KAT2B: variants seen among roughly 807,000 people sequenced by gnomAD.
The protein encoded by KAT2B is histone acetyltransferase KAT2B.
In KAT2B, 36 loss-of-function variants were observed where a neutral mutation model predicts 105.9. That is an observed-to-expected ratio of 0.34 (90% CI 0.26 to 0.45). KAT2B has a LOEUF of 0.45. Among genes scored for constraint, KAT2B ranks in the 20% least tolerant of loss-of-function variants. The probability of loss-of-function intolerance (pLI) is 1.00; values close to 1 mark genes in which losing one functional copy is unlikely to be tolerated. For synonymous variants in KAT2B, 397 were observed against 377.9 expected (o/e 1.05, Z -0.59); for missense variants, 820 against 1,021.6 (o/e 0.80, Z 2.69).
intron 7 of KAT2B, among the ~76,000 whole-genome samples, chr3:20,118,473 A>G (rs979905639): frequency 1.3e-5 from 2 of 149,376 alleles, no homozygotes; most frequent in East Asian, 2.0e-4. Flanking sequence ...TCCCAGCACT[A>G]TGGGAGGCTT....
chr3:20,140,126 T>C (rs1699671857), intron 12 of KAT2B, 95 bp from the exon 13 acceptor site: 2 of 797,102 alleles, frequency 2.5e-6, no homozygotes, highest in South Asian at 1.6e-5. Context: ...CAAAGAAGCT[T>C]GTCTTGATTC....
chr3:20,040,623 C>CG lies in KAT2B; in HGVS notation c.149dup (p.Ala51ArgfsTer57). On this transcript the variant is annotated frameshift_variant, in exon 1 of 18. Coordinates refer to ENST00000263754, the MANE Select transcript of KAT2B (RefSeq NM_003884.5). LOFTEE classifies it high-confidence loss of function. Reference sequence around the variant, plus strand: ...CCCTGCGCCGCTGCCGCCGGGGGCTCGGGCGCCTGCGGTCCGGCGACGGCA... The same window carrying CG: ...CCCTGCGCCGCTGCCGCCGGGGGCTCGGGGCGCCTGCGGTCCGGCGACGGCA... The CG allele has an allele frequency of 7.5e-7, 1 of 1,339,964 alleles. No individual in the cohort carries two copies. Among genetic ancestry groups the CG allele is most frequent in the Non-Finnish European group, 9.5e-7 (1 of 1,047,928 alleles). The allele number at this position is 1,339,964 out of a possible 1,614,324, so 83.0% of individuals were successfully genotyped here.
intron 2 of KAT2B, 117 bp from the exon 3 acceptor site, chr3:20,095,146 C>A: frequency 4.0e-6 from 3 of 755,708 alleles, no homozygotes; most frequent in Non-Finnish European, 6.4e-6. Flanking sequence ...TCTCTTATTA[C>A]CAGTGAACTT....
At chr3:20,084,416 GAA>G (rs1316104409) in intron 2 of KAT2B, among the ~76,000 whole-genome samples, 1 of 152,092 alleles carries the variant, frequency 6.6e-6, no homozygotes, top group Non-Finnish European at 1.5e-5. Flanking sequence ...CTTCTGCTAT[GAA>G]AGTTACTCAC....
chr3:20,101,485 T>C lies in KAT2B; in HGVS notation c.851+17T>C, dbSNP rs1378970884. The C allele has an allele frequency of 6.2e-7, 1 of 1,610,520 alleles. No individual in the cohort carries two copies. Among genetic ancestry groups the C allele is most frequent in the Non-Finnish European group, 8.5e-7 (1 of 1,177,216 alleles). Reference sequence around the variant, plus strand: ...CTACACAAGGTAATCAGATGCAAGTTCTTTTCCTTTGGCCCCATAAAGCCT... The same window carrying C: ...CTACACAAGGTAATCAGATGCAAGTCCTTTTCCTTTGGCCCCATAAAGCCT... On this transcript the variant is annotated intron_variant, in intron 5 of 17. Coordinates refer to ENST00000263754, the MANE Select transcript of KAT2B (RefSeq NM_003884.5).
intron 5 of KAT2B, among the ~76,000 whole-genome samples, chr3:20,103,367 T>C (rs1214192120): frequency 6.6e-6 from 1 of 152,190 alleles, no homozygotes. Flanking sequence ...GGAGAATTAA[T>C]TGTGAAGCAG....
At chr3:20,066,255 TCTC>T (rs776274872) in intron 1 of KAT2B, among the ~76,000 whole-genome samples, 5 of 152,084 alleles carry the variant, frequency 3.3e-5, no homozygotes, top group African/African-American at 7.2e-5. Flanking sequence ...TGTCTCCAAA[TCTC>T]CTTCTTCTTT....
chr3:20,140,170 G>A, intron 12 of KAT2B, 51 bp from the exon 13 acceptor site: 1 of 1,164,054 alleles, frequency 8.6e-7, no homozygotes, highest in South Asian at 1.2e-5. Context: ...TTAGCACTCA[G>A]TAGATATTTG....
chr3:20,104,855 G>T (rs932031657), intron 5 of KAT2B, among the ~76,000 whole-genome samples: 12 of 150,150 alleles, frequency 8.0e-5, no homozygotes, highest in Admixed American at 1.3e-4. Flanking sequence ...CTGAAGAAAA[G>T]AAAAATATAA....
At chr3:20,121,949 A>G (rs1476209655) in intron 8 of KAT2B, among the ~76,000 whole-genome samples, 4 of 152,142 alleles carry the variant, frequency 2.6e-5, no homozygotes, top group African/African-American at 9.7e-5. Context: ...GGGTTGGTTT[A>G]TTACATAGCA....
At chr3:20,141,784 G>C (rs1699698121) in intron 13 of KAT2B, among the ~76,000 whole-genome samples, 3 of 92,996 alleles carry the variant, frequency 3.2e-5, no homozygotes, top group Non-Finnish European at 2.0e-5. Flanking sequence ...AGTGAGCAAA[G>C]GCTTTTTTTT....
chr3:20,087,934 C>T (rs1490393363), intron 2 of KAT2B, among the ~76,000 whole-genome samples: 2 of 141,124 alleles, frequency 1.4e-5, no homozygotes, highest in African/African-American at 5.8e-5. Flanking sequence ...GCCACCATAC[C>T]TAGCTAATTA....
intron 2 of KAT2B, 152 bp downstream of exon 2, chr3:20,072,611 G>A (rs1182594138): frequency 1.4e-6 from 1 of 727,158 alleles, no homozygotes; most frequent in African/African-American, 1.8e-5. Context: ...CGAGTTTGCT[G>A]GGAAGGGCTT....
chr3:20,043,768 G>C (rs1197623669), intron 1 of KAT2B, among the ~76,000 whole-genome samples: 2 of 152,104 alleles, frequency 1.3e-5, no homozygotes, highest in Non-Finnish European at 2.9e-5. Context: ...TTGGGTACGA[G>C]GGAGTGTAAG....
intron 2 of KAT2B, among the ~76,000 whole-genome samples, chr3:20,074,387 C>T (rs2125182625): frequency 6.6e-6 from 1 of 152,238 alleles, no homozygotes; most frequent in African/African-American, 2.4e-5. Flanking sequence ...TGAGTATGAG[C>T]ACATTACTTA....
chr3:20,138,899 G>T (rs6550361), intron 12 of KAT2B, among the ~76,000 whole-genome samples: 37,619 of 151,910 alleles, frequency 0.25, 6,935 homozygotes, highest in East Asian at 0.62. Flanking sequence ...GATTTTGTTT[G>T]TTTGTTTGTT....
At chr3:20,134,847 AAAG>A (rs1169449475) in intron 11 of KAT2B, among the ~76,000 whole-genome samples, 4 of 152,264 alleles carry the variant, frequency 2.6e-5, no homozygotes, top group African/African-American at 9.6e-5. Flanking sequence ...AAAAAAGTGA[AAAG>A]AAACAGGTGA....
At chr3:20,057,476 G>A (rs546004998) in intron 1 of KAT2B, among the ~76,000 whole-genome samples, 80 of 152,268 alleles carry the variant, frequency 5.3e-4, no homozygotes, top group African/African-American at 1.3e-3. Flanking sequence ...AACAACAGGC[G>A]GAAGGGTGAA....
chr3:20,127,350 A>G, intron 10 of KAT2B, 73 bp from the exon 11 acceptor site: 1 of 1,371,504 alleles, frequency 7.3e-7, no homozygotes, highest in Non-Finnish European at 1.0e-6. Context: ...TAGTTGGTTA[A>G]TAAGGAACAC....
Sources: gnomAD v4.1 joint callset for allele counts (sites outside exome capture counted in the v4.1 genomes callset) on GRCh38, gnomAD v4.1.1 for gene constraint, MANE v1.5 for transcripts, NCBI Gene and HGNC (gene_info 2026-07-23, HGNC 2026-07-21) for gene names.